ATP10D: variants seen among roughly 807,000 people sequenced by gnomAD.
The protein encoded by ATP10D is ATPase phospholipid transporting 10D (putative).
A neutral mutation model predicts 144.8 loss-of-function variants in ATP10D; 89 were observed. That is an observed-to-expected ratio of 0.61 (90% CI 0.52 to 0.73). The LOEUF (loss-of-function observed/expected upper bound fraction) is 0.73, where lower values mean the gene tolerates loss of function less well. ATP10D is among the 30% of genes least tolerant of loss of function. The pLI, the probability that ATP10D is intolerant of heterozygous loss-of-function variation, is 0.00. For missense variants in ATP10D, 1,603 were observed against 1,714.8 expected (o/e 0.93, Z 1.15); for synonymous variants, 571 against 615.1 (o/e 0.93, Z 1.06).
At chr4:47,543,908 C>A (rs1718287396) in intron 9 of ATP10D, among the ~76,000 whole-genome samples, 1 of 152,140 alleles carries the variant, frequency 6.6e-6, no homozygotes, top group South Asian at 2.1e-4. Context: ...TCCTACCCCA[C>A]AACTTTCCCT....
chr4:47,549,543 A>G (rs1718617054), intron 10 of ATP10D, among the ~76,000 whole-genome samples: 1 of 152,228 alleles, frequency 6.6e-6, no homozygotes, highest in Non-Finnish European at 1.5e-5. Context: ...TTATTAATGA[A>G]TTAATGGAAG....
rs77833094 is a variant in ATP10D at position 47,579,818 on chromosome 4, A to G, written c.3568-580A>G. ...GTGGAAGGAGTCAATTTGATTAATT[A>G]GAGAGATGGCATGACCTGGTTTACA... On this transcript the variant is annotated intron_variant, in intron 19 of 22. Transcript: ENST00000273859. Among the ~76,000 whole-genome samples the G allele has an allele frequency of 2.0e-4, 31 of 152,358 alleles. 1 individual carries two copies. In the East Asian group the frequency reaches 4.8e-3, roughly 24 times the overall value.
intron 1 of ATP10D, among the ~76,000 whole-genome samples, chr4:47,499,702 C>T (rs890117280): frequency 6.6e-6 from 1 of 152,278 alleles, no homozygotes; most frequent in Admixed American, 6.5e-5. Context: ...ATTGGGTACA[C>T]ATTGTATAAT....
chr4:47,579,553 G>A (rs987548285), intron 19 of ATP10D, among the ~76,000 whole-genome samples: 1 of 152,240 alleles, frequency 6.6e-6, no homozygotes, highest in Admixed American at 6.5e-5. Flanking sequence ...ATGAGGAAAT[G>A]CTCATGTAGG....
chr4:47,582,046 C>T lies in ATP10D; in HGVS notation c.3735C>T (p.Val1245=). The change falls in exon 21 of 23, where the codon GTC becomes GTT. Residue 1245 remains valine (V), a synonymous_variant. Transcript: ENST00000273859. Reference sequence around the variant, plus strand: ...TGTTCATCGTTCTCCTCCATCTGGTCATTGAAAGCAAGAGTTTGGTGAGTG... The same window carrying T: ...TGTTCATCGTTCTCCTCCATCTGGTTATTGAAAGCAAGAGTTTGGTGAGTG... The part of the protein sequence containing the change: ...AALFIVLLHL[V]IESKSLTWIH... 6.2e-7 allele frequency: 1 copy of T among 1,613,722 alleles called. No individual in the cohort carries two copies. Among genetic ancestry groups the T allele is most frequent in the South Asian group, 1.1e-5 (1 of 91,062 alleles).
At chr4:47,502,577 A>AT (rs1715760700) in intron 1 of ATP10D, among the ~76,000 whole-genome samples, 1 of 148,466 alleles carries the variant, frequency 6.7e-6, no homozygotes, top group African/African-American at 2.4e-5. Context: ...TATATATATG[A>AT]TTATATGTTT....
chr4:47,504,910 T>C (rs1715939802), intron 1 of ATP10D, among the ~76,000 whole-genome samples: 1 of 152,250 alleles, frequency 6.6e-6, no homozygotes, highest in Non-Finnish European at 1.5e-5. Context: ...AACTCTTGTG[T>C]CTTCCATGGT....
intron 15 of ATP10D, among the ~76,000 whole-genome samples, chr4:47,567,892 C>A (rs1327327130): frequency 3.3e-5 from 5 of 152,216 alleles, no homozygotes; most frequent in South Asian, 2.1e-4. Flanking sequence ...AGCAAACAAG[C>A]TTTGAGTGAG....
chr4:47,576,057 A>G lies in ATP10D; in HGVS notation c.3367-716A>G, dbSNP rs865834594. Among the ~76,000 whole-genome samples the G allele has an allele frequency of 7.3e-4, 107 of 147,450 alleles. 1 individual carries two copies. The highest frequency in any genetic ancestry group is 5.4e-3 in the South Asian group (25 of 4,610). On this transcript the variant is annotated intron_variant, in intron 18 of 22. Coordinates refer to ENST00000273859, the MANE Select transcript of ATP10D (RefSeq NM_020453.4). ...CGCCATTCTCCTGCCTCAGCCTCCC[A>G]AGTAGCTGGGACTACAGGCGCCCGC...
At chr4:47,572,013 A>T in intron 16 of ATP10D, 141 bp from the exon 17 acceptor site, 1 of 740,728 alleles carries the variant, frequency 1.4e-6, no homozygotes, top group Non-Finnish European at 2.3e-6. Flanking sequence ...TTTCTGTTTC[A>T]CTTACTTCCA....
chr4:47,537,076 T>C (rs898364378), intron 9 of ATP10D, 138 bp downstream of exon 9: 2 of 1,006,758 alleles, frequency 2.0e-6, no homozygotes, highest in Non-Finnish European at 2.8e-6. Context: ...AGATGGCCTT[T>C]AAACTTCATT....
At chr4:47,488,266 T>C (rs1246140959) in intron 1 of ATP10D, among the ~76,000 whole-genome samples, 2 of 152,008 alleles carry the variant, frequency 1.3e-5, no homozygotes, top group Non-Finnish European at 2.9e-5. Context: ...TGAAATTTAA[T>C]ATATTATCTT....
At chr4:47,590,003 A>G (rs1475311208) in intron 22 of ATP10D, among the ~76,000 whole-genome samples, 1 of 152,164 alleles carries the variant, frequency 6.6e-6, no homozygotes, top group African/African-American at 2.4e-5. Flanking sequence ...CAGAGAATAC[A>G]TATATCATCA....
chr4:47,502,210 T>C (rs1362227112), intron 1 of ATP10D, among the ~76,000 whole-genome samples: 18 of 152,290 alleles, frequency 1.2e-4, no homozygotes, highest in South Asian at 2.1e-4. Flanking sequence ...CGCGGTGGTT[T>C]GTGCCTGTAA....
rs1719982796 is a variant in ATP10D, at chr4:47,572,114, C to T, written c.3164-40C>T. The T allele has an allele frequency of 1.9e-6, 3 of 1,578,794 alleles. No homozygotes were observed. The African/African-American group carries it at 4.0e-5, about 21-fold the overall frequency. On this transcript the variant is annotated intron_variant, in intron 16 of 22. Transcript: ENST00000273859. The stretch of plus-strand genomic sequence containing the variant: ...TTGCAACATTTACACCCTTTCTTTA[C>T]TCCTCATATGTTTCTCTCCTTTTTT...
intron 3 of ATP10D, among the ~76,000 whole-genome samples, chr4:47,519,123 A>T (rs1352016689): frequency 6.6e-6 from 1 of 152,224 alleles, no homozygotes; most frequent in Admixed American, 6.5e-5. Context: ...AAACATACTA[A>T]AAATACCAAA....
intron 10 of ATP10D, among the ~76,000 whole-genome samples, chr4:47,548,237 G>A (rs567714760): frequency 2.0e-5 from 3 of 151,868 alleles, no homozygotes; most frequent in Non-Finnish European, 4.4e-5. Context: ...TTATTTCTTA[G>A]TTTAAAGTCT....
Position 47,557,928 on chromosome 4 carries a change from AAAC to A in ATP10D, c.2094_2096del (p.Gln698del), listed in dbSNP as rs1342504738. 1 of 1,614,096 alleles carries A rather than the reference AAAC, an allele frequency of 6.2e-7. No individual in the cohort carries two copies. Among genetic ancestry groups the A allele is most frequent in the African/African-American group, 1.3e-5 (1 of 74,924 alleles). On this transcript the variant is annotated inframe_deletion, in exon 12 of 23. Coordinates refer to ENST00000273859, the MANE Select transcript of ATP10D (RefSeq NM_020453.4). ...CTCAGCTTGCTGCACAGAAACAGAG[AAAC>A]AACACGGTGATGCAGGCCTCCTGAA... is the stretch of plus-strand genomic sequence containing the variant.
In ATP10D at chr4:47,572,196, T is replaced by C; in HGVS notation, c.3206T>C (p.Ile1069Thr). Residue 1069 changes from isoleucine (I) to threonine (T), a missense_variant, in exon 17 of 23, where the codon ATT becomes ACT. By Grantham distance (89) the Ile-to-Thr change is moderately conservative. Transcript: ENST00000273859. The part of the protein sequence containing the change: ...NDVSMIQVAD[I>T]GIGVSGQEGM... ...GTTAGCATGATACAAGTGGCAGACA[T>C]TGGGATAGGGGTCTCAGGTCAAGAA... 2.5e-6 allele frequency: 4 copies of C among 1,614,098 alleles called. No homozygotes were observed. The highest frequency in any genetic ancestry group is 3.4e-6 in the Non-Finnish European group (4 of 1,179,998).
Sources: gnomAD v4.1 joint callset for allele counts (sites outside exome capture counted in the v4.1 genomes callset) on GRCh38, gnomAD v4.1.1 for gene constraint, MANE v1.5 for transcripts, NCBI Gene and HGNC (gene_info 2026-07-23, HGNC 2026-07-21) for gene names.